APBB1: variants seen among roughly 807,000 people sequenced by gnomAD.
APBB1 encodes amyloid beta precursor protein binding family B member 1, also known as adaptor protein FE65a2.
In APBB1, 22 loss-of-function variants were observed where a neutral mutation model predicts 78.4. The observed-to-expected ratio is 0.28, with a 90% CI of 0.20 to 0.40. The LOEUF (loss-of-function observed/expected upper bound fraction) is 0.40, where lower values mean the gene tolerates loss of function less well. APBB1 is among the 10% of genes least tolerant of loss of function. The pLI is 1.00. For missense variants in APBB1, 749 were observed against 932.4 expected, an observed-to-expected ratio of 0.80 and a Z score of 2.56; for synonymous variants, 369 against 372.7, an observed-to-expected ratio of 0.99 and a Z score of 0.12.
Position 6,411,142 on chromosome 11 carries a change from C to A in APBB1, c.206G>T (p.Trp69Leu). ...GAGCTGGTTCTGGCCCTCTTTTAGC[C>A]ACTTGGCATTGGCAGGGCCTGGCTC... is the stretch of plus-strand genomic sequence containing the variant. The part of the protein sequence containing the change: ...GPEPGPANAK[W>L]LKEGQNQLRR... Residue 69 changes from tryptophan (W) to leucine (L), a missense_variant, in exon 2 of 15, where the codon TGG becomes TTG. Trp to Leu is a moderately conservative substitution (Grantham distance 61). Coordinates refer to ENST00000609360, the MANE Select transcript of APBB1 (RefSeq NM_001164.5). This position sits in a 1 kb window ranked among gnomAD's most constrained non-coding sequence, Gnocchi z 5.2. The A allele has an allele frequency of 6.2e-7, 1 of 1,610,594 alleles. No individual in the cohort carries two copies. Among genetic ancestry groups the A allele is most frequent in the Non-Finnish European group, 8.5e-7 (1 of 1,179,840 alleles).
chr11:6,402,535 C>T (rs1848577291), intron 7 of APBB1, 41 bp downstream of exon 7: 2 of 1,597,202 alleles, frequency 1.3e-6, no homozygotes, highest in Non-Finnish European at 1.7e-6. Context: ...TCCCTTCACA[C>T]TCTCACAGTA....
chr11:6,402,141 C>T lies in APBB1; in HGVS notation c.1323G>A (p.Leu441=), dbSNP rs1777487997. ...LKLVEPQSQA[L]LHAQPIISIR... is the part of the protein sequence containing the mutation. ...TGCTGATGATGGGTTGGGCGTGCAG[C>T]AGTGCCTGGCTCTGTGGCTCCACTA... The change falls in exon 8 of 15, where the codon CTG becomes CTA. Residue 441 remains leucine (L), a synonymous_variant. Coordinates refer to ENST00000609360, the MANE Select transcript of APBB1 (RefSeq NM_001164.5). The T allele has an allele frequency of 6.2e-7, 1 of 1,614,026 alleles. No homozygotes were observed. Among genetic ancestry groups the T allele is most frequent in the Admixed American group, 1.7e-5 (1 of 60,006 alleles).
rs1333586767 is a variant in APBB1, at chr11:6,403,255, C to A, written c.1041-47G>T. ...TGGCACAGGGCTCCCATAAATGGAG[C>A]TGTCCCAAGGCCCCTTCCAGACAGA... On this transcript the variant is annotated intron_variant, in intron 5 of 14. Transcript: ENST00000609360. This position sits in a 1 kb window ranked among gnomAD's most constrained non-coding sequence, Gnocchi z 5.3. 1.9e-6 allele frequency: 3 copies of A among 1,609,892 alleles called. No homozygotes were observed. The highest frequency in any genetic ancestry group is 2.5e-6 in the Non-Finnish European group (3 of 1,177,854).
At chr11:6,406,658 T>C (rs1848811827) in intron 2 of APBB1, among the ~76,000 whole-genome samples, 1 of 152,162 alleles carries the variant, frequency 6.6e-6, no homozygotes, top group Non-Finnish European at 1.5e-5. Context: ...CCCTTCTCTC[T>C]CTTTGCTTGG....
Position 6,401,986 on chromosome 11 carries a change from G to A in APBB1, c.1383-4C>T, listed in dbSNP as rs932830377. 7.0e-6 allele frequency: 11 copies of A among 1,572,252 alleles called. No individual in the cohort carries two copies. Among genetic ancestry groups the A allele is most frequent in the East Asian group, 6.7e-5 (3 of 44,470 alleles). On this transcript the variant is annotated splice_region_variant and splice_polypyrimidine_tract_variant and intron_variant, in intron 8 of 14. Coordinates refer to ENST00000609360, the MANE Select transcript of APBB1 (RefSeq NM_001164.5). This position sits in a 1 kb window ranked among gnomAD's most constrained non-coding sequence, Gnocchi z 4.5. The stretch of plus-strand genomic sequence containing the variant: ...AAAATAGGCATAGTACCTCTCTCTG[G>A]GTCCAGCAGCACAAGAGAGGCAAAT...
At chr11:6,405,829 C>G (rs1848779659) in intron 2 of APBB1, among the ~76,000 whole-genome samples, 1 of 152,184 alleles carries the variant, frequency 6.6e-6, no homozygotes, top group African/African-American at 2.4e-5. Context: ...ACCTGCTGTT[C>G]CCTAGAGACC....
chr11:6,410,069 G>A (rs1407593157), intron 2 of APBB1, among the ~76,000 whole-genome samples: 1 of 150,926 alleles, frequency 6.6e-6, no homozygotes, highest in Non-Finnish European at 1.5e-5. Flanking sequence ...GCGACAGAGT[G>A]AGACTCTGTC....
intron 2 of APBB1, chr11:6,404,632 T>A (rs1848707950): frequency 2.0e-6 from 3 of 1,536,296 alleles, no homozygotes; most frequent in South Asian, 2.4e-5. Context: ...TACACCCTTG[T>A]CTGCCGGCAG....
chr11:6,415,235 G>A lies in APBB1; in HGVS notation c.-15+3750C>T, dbSNP rs75790468. 8.1e-4 allele frequency among the ~76,000 whole-genome samples: 124 copies of A among 152,292 alleles called. 2 individuals are homozygous for A. The East Asian group carries it at 0.02, about 25-fold the overall frequency. On this transcript the variant is annotated intron_variant, in intron 1 of 14. Transcript: ENST00000609360. ...AGGCAGGGAGTTGGGCAGGGGCCTC[G>A]GGGCAGGAAGTGAAAGAAGTAGTCA...
At chr11:6,398,153 A>C (rs532259630) in intron 12 of APBB1, among the ~76,000 whole-genome samples, 1 of 152,244 alleles carries the variant, frequency 6.6e-6, no homozygotes, top group South Asian at 2.1e-4. Context: ...CTCAGGACTA[A>C]AACCTACACT....
intron 12 of APBB1, among the ~76,000 whole-genome samples, chr11:6,396,991 C>T (rs1026349222): frequency 6.6e-6 from 1 of 152,244 alleles, no homozygotes; most frequent in African/African-American, 2.4e-5. Flanking sequence ...TCAACTTTCC[C>T]TTATAACACA....
At chr11:6,412,040 C>A (rs911901674) in intron 1 of APBB1, among the ~76,000 whole-genome samples, 1 of 152,220 alleles carries the variant, frequency 6.6e-6, no homozygotes, top group African/African-American at 2.4e-5. Flanking sequence ...AGTAGCTCCC[C>A]TTGGGCACTG....
At position 6,418,885 on chromosome 11, in the gene APBB1, G is replaced by A. The variant is rs888579772; in HGVS notation, c.-15+100C>T. The stretch of plus-strand genomic sequence containing the variant: ...GGGGATGGGGGATGGGGCCGGCCGG[G>A]GGACCCGGGCTGCCGCAGGGTAGGG... On this transcript the variant is annotated intron_variant, in intron 1 of 14. Coordinates refer to ENST00000609360, the MANE Select transcript of APBB1 (RefSeq NM_001164.5). 18 of 361,834 alleles carry A rather than the reference G, an allele frequency of 5.0e-5. No individual in the cohort carries two copies. In the East Asian group the frequency reaches 5.6e-4, roughly 11 times the overall value. The allele number at this position is 361,834 out of a possible 1,614,324, so 22.4% of individuals were successfully genotyped here. A position where few individuals can be genotyped will look rare whatever the true frequency, so the allele number is the denominator to read the frequency against.
Position 6,403,473 on chromosome 11 carries a change from G to C in APBB1, c.954+15C>G. On this transcript the variant is annotated intron_variant, in intron 4 of 14. Coordinates refer to ENST00000609360, the MANE Select transcript of APBB1 (RefSeq NM_001164.5). This position sits in a 1 kb window ranked among gnomAD's most constrained non-coding sequence, Gnocchi z 5.3. Reference sequence around the variant, plus strand: ...CCTCCAGCTATCCCGTGGTAAAGCAGGTCCCCTTACCCACCTTCCAAAATT... The same window carrying C: ...CCTCCAGCTATCCCGTGGTAAAGCACGTCCCCTTACCCACCTTCCAAAATT... 6.2e-7 allele frequency: 1 copy of C among 1,614,184 alleles called. No individual in the cohort carries two copies. The highest frequency in any genetic ancestry group is 1.3e-5 in the African/African-American group (1 of 75,056).
chr11:6,402,846 A>ATCCTGTTTGG, intron 6 of APBB1, 121 bp from the exon 7 acceptor site: 1 of 1,290,420 alleles, frequency 7.7e-7, no homozygotes. Flanking sequence ...CTCCCCAAAC[A>ATCCTGTTTGG]GGATGTGGTT....
chr11:6,395,836 A>G lies in APBB1; in HGVS notation c.1915T>C (p.Cys639Arg), dbSNP rs1848186905. Reference sequence around the variant, plus strand: ...GAGAGGCTGGCAGCATTGGGCTCGCACCAGAACATGTGGCAGCAGAAGGAG... The same window carrying G: ...GAGAGGCTGGCAGCATTGGGCTCGCGCCAGAACATGTGGCAGCAGAAGGAG... ...PASFCCHMFW[C>R]EPNAASLSEA... The change falls in exon 14 of 15, where the codon TGC becomes CGC. Residue 639 changes from cysteine (C) to arginine (R), a missense_variant. Transcript: ENST00000609360. This position sits in a 1 kb window ranked among gnomAD's most constrained non-coding sequence, Gnocchi z 5.2. 1 of 1,614,138 alleles carries G rather than the reference A, an allele frequency of 6.2e-7. No homozygotes were observed. Among genetic ancestry groups the G allele is most frequent in the Non-Finnish European group, 8.5e-7 (1 of 1,180,016 alleles).
intron 2 of APBB1, among the ~76,000 whole-genome samples, chr11:6,407,543 G>T (rs117046716): frequency 6.6e-6 from 1 of 152,206 alleles, no homozygotes; most frequent in Non-Finnish European, 1.5e-5. Context: ...TTAAAAAATA[G>T]AATTTGTTGT....
intron 1 of APBB1, among the ~76,000 whole-genome samples, chr11:6,414,866 G>C (rs960165319): frequency 1.3e-5 from 2 of 152,184 alleles, no homozygotes; most frequent in Non-Finnish European, 2.9e-5. Flanking sequence ...TACAGAGCCA[G>C]GTTTCTCAAA....
At chr11:6,414,214 T>C (rs2134109571) in intron 1 of APBB1, among the ~76,000 whole-genome samples, 1 of 152,276 alleles carries the variant, frequency 6.6e-6, no homozygotes, top group Admixed American at 6.5e-5. Flanking sequence ...CTTAAAGCCC[T>C]GGGTCTTTGT....
Sources: gnomAD v4.1 joint callset for allele counts (sites outside exome capture counted in the v4.1 genomes callset) on GRCh38, gnomAD v4.1.1 for gene constraint, Gnocchi (gnomAD v3.1) non-coding constraint, MANE v1.5 for transcripts, NCBI Gene and HGNC (gene_info 2026-07-23, HGNC 2026-07-21) for gene names.